Variants in RGS20 observed in about 807,000 individuals in gnomAD.
The protein encoded by RGS20 is gz-selective GTPase-activating protein.
In RGS20, 30 loss-of-function variants were observed where a neutral mutation model predicts 33.6. The ratio of observed to expected loss-of-function variants is 0.89; its 90% CI spans 0.67 to 1.21. The LOEUF is 1.21. Among genes scored for constraint, RGS20 ranks in the 50% most tolerant of loss-of-function variants. The probability of loss-of-function intolerance (pLI) is 0.00; values close to 1 mark genes in which losing one functional copy is unlikely to be tolerated. For synonymous variants in RGS20, 208 were observed against 197.9 expected (o/e 1.05, Z -0.43); for missense variants, 472 against 502.4 (o/e 0.94, Z 0.58).
intron 2 of RGS20, among the ~76,000 whole-genome samples, chr8:53,900,685 G>A (rs1227563825): frequency 6.6e-6 from 1 of 152,160 alleles, no homozygotes; most frequent in African/African-American, 2.4e-5. Context: ...AGGACGTGGA[G>A]GCTTAGGAAG....
chr8:53,947,398 AT>A (rs1814533896), intron 4 of RGS20, among the ~76,000 whole-genome samples: 1 of 117,796 alleles, frequency 8.5e-6, no homozygotes, highest in Non-Finnish European at 1.7e-5. Flanking sequence ...TATGCTATAT[AT>A]AAGATATAGT....
At chr8:53,932,788 C>T (rs1814009640) in intron 2 of RGS20, among the ~76,000 whole-genome samples, 1 of 152,208 alleles carries the variant, frequency 6.6e-6, no homozygotes, top group Admixed American at 6.5e-5. Context: ...GACAGACTGC[C>T]TCCTCAGGTG....
intron 2 of RGS20, among the ~76,000 whole-genome samples, chr8:53,889,413 T>G (rs1175959385): frequency 3.5e-4 from 9 of 25,624 alleles, no homozygotes; most frequent in African/African-American, 3.4e-3. Context: ...TCTCTCTCTC[T>G]TTTTTTTTTT....
At chr8:53,942,312 G>T (rs1814322465) in intron 3 of RGS20, among the ~76,000 whole-genome samples, 1 of 151,942 alleles carries the variant, frequency 6.6e-6, no homozygotes, top group Non-Finnish European at 1.5e-5. Flanking sequence ...ACAAAAATTA[G>T]CCAGGCATGG....
intron 1 of RGS20, among the ~76,000 whole-genome samples, chr8:53,852,466 G>A (rs1251539068): frequency 1.3e-5 from 2 of 151,998 alleles, no homozygotes; most frequent in African/African-American, 4.8e-5. Context: ...AAATTCCTTG[G>A]GAAAAAATTG....
chr8:53,872,971 A>C (rs1293393469), intron 1 of RGS20, among the ~76,000 whole-genome samples: 13 of 152,150 alleles, frequency 8.5e-5, no homozygotes, highest in Non-Finnish European at 8.8e-5. Context: ...TCTAAATCTC[A>C]TGTGGAATTG....
chr8:53,954,054 C>T (rs757842988), intron 4 of RGS20, 22 bp from the exon 4 acceptor site: 2 of 1,533,822 alleles, frequency 1.3e-6, no homozygotes, highest in Non-Finnish European at 1.8e-6. Context: ...CTTTTGCCCC[C>T]TCTCTTTTGG....
chr8:53,858,503 C>T (rs59781616), intron 1 of RGS20, among the ~76,000 whole-genome samples: 4,032 of 148,964 alleles, frequency 0.027, 176 homozygotes, highest in African/African-American at 0.094. Context: ...TATATATATA[C>T]ACACACACAC....
At chr8:53,899,156 G>C (rs1382749382) in intron 2 of RGS20, among the ~76,000 whole-genome samples, 1 of 152,196 alleles carries the variant, frequency 6.6e-6, no homozygotes, top group East Asian at 1.9e-4. Flanking sequence ...CACAATGCCT[G>C]TGTGCCATGT....
chr8:53,891,833 CTTT>C (rs541262434), intron 2 of RGS20, among the ~76,000 whole-genome samples: 1 of 141,652 alleles, frequency 7.1e-6, no homozygotes, highest in Non-Finnish European at 1.6e-5. Flanking sequence ...ATTTTTGCAA[CTTT>C]TTTTTTTTGG....
Position 53,953,381 on chromosome 8 carries a change from C to T in RGS20, c.744-695C>T, listed in dbSNP as rs776181413. Among the ~76,000 whole-genome samples, 4 of 151,898 alleles carry T rather than the reference C, an allele frequency of 2.6e-5. No homozygotes were observed. The South Asian group carries it at 8.3e-4, about 32-fold the overall frequency. On this transcript the variant is annotated intron_variant, in intron 4 of 5. Coordinates refer to ENST00000297313, the MANE Select transcript of RGS20 (RefSeq NM_170587.4). ...CAAAGAATACAAAAAGTTAGCTGGG[C>T]GTGGTGGCACGTGCCTGCAGGGTCT... is the stretch of plus-strand genomic sequence containing the variant.
intron 2 of RGS20, among the ~76,000 whole-genome samples, chr8:53,883,219 C>A (rs559553604): frequency 1.0e-3 from 152 of 151,510 alleles, no homozygotes; most frequent in African/African-American, 3.5e-3. Context: ...TGCAATGGCG[C>A]GATCTCGGCT....
intron 1 of RGS20, among the ~76,000 whole-genome samples, chr8:53,868,758 C>A (rs1262142490): frequency 6.6e-6 from 1 of 151,470 alleles, no homozygotes; most frequent in Non-Finnish European, 1.5e-5. Context: ...TGGACAAATG[C>A]ATTTTTTTTT....
intron 2 of RGS20, among the ~76,000 whole-genome samples, chr8:53,923,949 A>G (rs916301654): frequency 6.6e-6 from 1 of 152,080 alleles, no homozygotes; most frequent in African/African-American, 2.4e-5. Flanking sequence ...TTCTTCTGCA[A>G]CATTAAATTC....
intron 2 of RGS20, among the ~76,000 whole-genome samples, chr8:53,893,701 C>G (rs1417971631): frequency 2.6e-5 from 4 of 152,168 alleles, no homozygotes; most frequent in Non-Finnish European, 5.9e-5. Context: ...TTGCCAAACA[C>G]ATAAGTTGCC....
intron 2 of RGS20, among the ~76,000 whole-genome samples, chr8:53,889,632 T>A (rs1427553595): frequency 2.0e-5 from 3 of 151,572 alleles, no homozygotes; most frequent in African/African-American, 7.3e-5. Flanking sequence ...TTTGGCCCAT[T>A]TTTCTATTGT....
chr8:53,855,854 G>A (rs1811658333), intron 1 of RGS20, among the ~76,000 whole-genome samples: 2 of 152,204 alleles, frequency 1.3e-5, no homozygotes, highest in African/African-American at 4.8e-5. Context: ...TATTCCAGTT[G>A]TTCTTTTCAT....
At chr8:53,894,280 T>A (rs577798293) in intron 2 of RGS20, among the ~76,000 whole-genome samples, 3 of 152,240 alleles carry the variant, frequency 2.0e-5, no homozygotes, top group Non-Finnish European at 4.4e-5. Context: ...ATTTTAGATC[T>A]GTTTGTTCAA....
At chr8:53,937,387 A>T (rs779517822) in intron 2 of RGS20, among the ~76,000 whole-genome samples, 33 of 152,100 alleles carry the variant, frequency 2.2e-4, no homozygotes, top group Non-Finnish European at 4.0e-4. Context: ...TTAAATCAAG[A>T]TGGATTAAAG....
Sources: allele counts gnomAD v4.1 joint callset (sites outside exome capture counted in the v4.1 genomes callset), GRCh38; gene constraint gnomAD v4.1.1; transcripts MANE v1.5; gene names NCBI Gene and HGNC (gene_info 2026-07-23, HGNC 2026-07-21).